TTPA: variants seen among roughly 807,000 people sequenced by gnomAD.
TTPA encodes alpha-tocopherol transfer protein.
A neutral mutation model predicts 25.9 loss-of-function variants in TTPA; 23 were observed. The ratio of observed to expected loss-of-function variants is 0.89; its 90% CI spans 0.64 to 1.26. The LOEUF is 1.26. TTPA is among the 50% of genes most tolerant of loss of function. The pLI is 0.00. For synonymous variants in TTPA, 148 were observed against 137.3 expected (o/e 1.08, Z -0.54); for missense variants, 337 against 353.1 (o/e 0.95, Z 0.37).
chr8:63,060,005 TG>T lies in TTPA; in HGVS notation c.*1246del, dbSNP rs1397585269. Reference sequence around the variant, plus strand: ...GCTGCCACACCCAGTCTTTACCAGATGTTTTTTTAAGTTAATATAAATTGCA... The same window carrying T: ...GCTGCCACACCCAGTCTTTACCAGATTTTTTTTAAGTTAATATAAATTGCA... On this transcript the variant is annotated 3_prime_UTR_variant, in exon 5 of 5. Coordinates refer to ENST00000260116, the MANE Select transcript of TTPA (RefSeq NM_000370.3). 1 of 152,204 alleles carries T rather than the reference TG, an allele frequency of 6.6e-6. No individual in the cohort carries two copies. The highest frequency in any genetic ancestry group is 1.5e-5 in the Non-Finnish European group (1 of 68,036). The allele number at this position is 152,204 out of a possible 1,614,324, so 9.4% of individuals were successfully genotyped here. A position where few individuals can be genotyped will look rare whatever the true frequency, so the allele number is the denominator to read the frequency against.
In TTPA at chr8:63,061,444, T is replaced by C. The variant is rs370191429; in HGVS notation, c.664-19A>G. Reference sequence around the variant, plus strand: ...TGTGAATCTGAAATAGCCAAAACACTTTAGAAGGAAACCGCATTAGATGCA... The same window carrying C: ...TGTGAATCTGAAATAGCCAAAACACCTTAGAAGGAAACCGCATTAGATGCA... On this transcript the variant is annotated intron_variant, in intron 4 of 4. Transcript: ENST00000260116. 2.5e-6 allele frequency: 4 copies of C among 1,613,038 alleles called. No homozygotes were observed. In the East Asian group the frequency reaches 6.7e-5, roughly 27 times the overall value.
At chr8:63,068,399 T>C (rs945748963) in intron 2 of TTPA, among the ~76,000 whole-genome samples, 2 of 151,986 alleles carry the variant, frequency 1.3e-5, no homozygotes, top group Non-Finnish European at 2.9e-5. Context: ...GGGAAGAGGA[T>C]TTTTCAAGAA....
intron 1 of TTPA, 119 bp downstream of exon 1, chr8:63,085,699 C>T: frequency 7.8e-7 from 1 of 1,285,610 alleles, no homozygotes; most frequent in Non-Finnish European, 1.0e-6. Context: ...GGGCGCGTTA[C>T]CCGCCAGGGT....
intron 1 of TTPA, among the ~76,000 whole-genome samples, chr8:63,082,501 T>A (rs1805679553): frequency 1.3e-5 from 2 of 152,152 alleles, no homozygotes; most frequent in Non-Finnish European, 2.9e-5. Context: ...TCAAGATGGA[T>A]TAAAGACTTA....
intron 1 of TTPA, among the ~76,000 whole-genome samples, chr8:63,073,365 A>G (rs1805513223): frequency 6.6e-6 from 1 of 152,104 alleles, no homozygotes; most frequent in South Asian, 2.1e-4. Context: ...CCTGATACCC[A>G]TGCACCATTC....
chr8:63,077,231 C>T (rs1238352082), intron 1 of TTPA, among the ~76,000 whole-genome samples: 1 of 152,184 alleles, frequency 6.6e-6, no homozygotes, highest in Non-Finnish European at 1.5e-5. Flanking sequence ...GTCTGCAACT[C>T]CCAGTGTGAT....
chr8:63,062,896 C>G (rs946312708), intron 4 of TTPA, among the ~76,000 whole-genome samples: 1 of 152,012 alleles, frequency 6.6e-6, no homozygotes, highest in Non-Finnish European at 1.5e-5. Flanking sequence ...AAAAAATGAA[C>G]AAACAAAATT....
intron 1 of TTPA, among the ~76,000 whole-genome samples, chr8:63,080,139 C>T (rs1482290244): frequency 3.3e-5 from 5 of 152,140 alleles, no homozygotes; most frequent in Non-Finnish European, 5.9e-5. Context: ...AAAGACACAA[C>T]ATACCAGAAT....
In TTPA at chr8:63,075,717, A is replaced by AAAAAAAAAAG. The variant is rs1563364091; in HGVS notation, c.205-2630_205-2629insCTTTTTTTTT. ...CCGTCTCAAAAAAAAAAAAAAAAAA[A>AAAAAAAAAAG]AAAAGTAAAGTAAAGCTATGAGAAA... On this transcript the variant is annotated intron_variant, in intron 1 of 4. Transcript: ENST00000260116. 4.8e-5 allele frequency among the ~76,000 whole-genome samples: 7 copies of AAAAAAAAAAG among 147,068 alleles called. 1 individual carries two copies. The highest frequency in any genetic ancestry group is 7.5e-5 in the Non-Finnish European group (5 of 66,882).
rs1311889480 is a variant in TTPA, at chr8:63,086,031, C to A, written c.-10G>T. 2.8e-6 allele frequency: 4 copies of A among 1,409,482 alleles called. No individual in the cohort carries two copies. Among genetic ancestry groups the A allele is most frequent in the Admixed American group, 2.7e-5 (1 of 36,948 alleles). The allele number at this position is 1,409,482 out of a possible 1,614,324, so 87.3% of individuals were successfully genotyped here. A position where few individuals can be genotyped will look rare whatever the true frequency, so the allele number is the denominator to read the frequency against. ...ATCGCGCCTCTGCCATGCCCGCCGC[C>A]GCTGCTGCGGCCGCAGCTACCCGGG... On this transcript the variant is annotated 5_prime_UTR_variant, in exon 1 of 5. Coordinates refer to ENST00000260116, the MANE Select transcript of TTPA (RefSeq NM_000370.3).
chr8:63,073,096 ATAAAAT>A lies in TTPA; in HGVS notation c.205-14_205-9del. The A allele has an allele frequency of 1.2e-6, 2 of 1,601,482 alleles. No homozygotes were observed. The highest frequency in any genetic ancestry group is 1.1e-5 in the South Asian group (1 of 90,580). ...ATAATAGTTTTTTAGTAACTGAAAA[ATAAAAT>A]TAAAATTGTCTACAAATGGCATACA... On this transcript the variant is annotated splice_polypyrimidine_tract_variant and intron_variant, in intron 1 of 4. Transcript: ENST00000260116.
intron 2 of TTPA, among the ~76,000 whole-genome samples, chr8:63,068,407 G>T (rs1805430423): frequency 6.6e-6 from 1 of 152,180 alleles, no homozygotes; most frequent in South Asian, 2.1e-4. Flanking sequence ...GATTTTTCAA[G>T]AAAGCAGAAG....
chr8:63,079,795 G>GAA (rs1805632021), intron 1 of TTPA, among the ~76,000 whole-genome samples: 2 of 152,230 alleles, frequency 1.3e-5, no homozygotes, highest in African/African-American at 4.8e-5. Flanking sequence ...TCCAGGACTT[G>GAA]AACTCAGCTC....
At position 63,061,148 on chromosome 8, in the gene TTPA, A is replaced by G; in HGVS notation, c.*104T>C. The G allele has an allele frequency of 1.7e-6, 2 of 1,195,556 alleles. No individual in the cohort carries two copies. The highest frequency in any genetic ancestry group is 2.4e-6 in the Non-Finnish European group (2 of 826,922). 74.1% of individuals were successfully genotyped at this position (1,195,556 alleles called of 1,614,324 possible). A position where few individuals can be genotyped will look rare whatever the true frequency, so the allele number is the denominator to read the frequency against. On this transcript the variant is annotated 3_prime_UTR_variant, in exon 5 of 5. Transcript: ENST00000260116. ...ATTTCTACATTTTTAAAGTTCAGGC[A>G]AGCATTAGTTTAAAAGATTTGCTCC... is the stretch of plus-strand genomic sequence containing the variant.
At position 63,074,181 on chromosome 8, in the gene TTPA, A is replaced by G. The variant is rs1585691946; in HGVS notation, c.205-1093T>C. Among the ~76,000 whole-genome samples, 3 of 152,348 alleles carry G rather than the reference A, an allele frequency of 2.0e-5. No homozygotes were observed. In the South Asian group the frequency reaches 6.2e-4, roughly 32 times the overall value. On this transcript the variant is annotated intron_variant, in intron 1 of 4. Coordinates refer to ENST00000260116, the MANE Select transcript of TTPA (RefSeq NM_000370.3). Reference sequence around the variant, plus strand: ...CAAGGTAACTATAACCACAAAAATCACAATGATCTGGAGGAGAAACTACAA... The same window carrying G: ...CAAGGTAACTATAACCACAAAAATCGCAATGATCTGGAGGAGAAACTACAA...
At position 63,065,969 on chromosome 8, in the gene TTPA, A is replaced by C. The variant is rs1805382765; in HGVS notation, c.487T>G (p.Trp163Gly). ...GIKAIFDLEG[W>G]QFSHAFQITP... ...ATTTGAAAAGCATGAGAAAACTGCC[A>C]ACCTTCCAGATCAAAGATAGCCTTG... Residue 163 changes from tryptophan (W) to glycine (G), a missense_variant, in exon 3 of 5, where the codon TGG (tryptophan) becomes GGG (glycine). By Grantham distance (184) the Trp-to-Gly change is radical. Coordinates refer to ENST00000260116, the MANE Select transcript of TTPA (RefSeq NM_000370.3). 5.6e-6 allele frequency: 9 copies of C among 1,613,968 alleles called. No homozygotes were observed. The highest frequency in any genetic ancestry group is 7.6e-6 in the Non-Finnish European group (9 of 1,179,860).
chr8:63,065,384 T>G (rs562048028), intron 3 of TTPA, among the ~76,000 whole-genome samples: 1 of 152,200 alleles, frequency 6.6e-6, no homozygotes, highest in African/African-American at 2.4e-5. Flanking sequence ...ATAATGCATT[T>G]GAAACACTTA....
chr8:63,079,602 G>C (rs1157926720), intron 1 of TTPA, among the ~76,000 whole-genome samples: 1 of 152,114 alleles, frequency 6.6e-6, no homozygotes. Flanking sequence ...ATGGTAAAGG[G>C]ATCAATTCAA....
At position 63,085,928 on chromosome 8, in the gene TTPA, G is replaced by A. The variant is rs926300177; in HGVS notation, c.94C>T (p.Arg32Trp). The A allele has an allele frequency of 3.3e-6, 5 of 1,520,372 alleles. No homozygotes were observed. The South Asian group carries it at 4.9e-5, about 15-fold the overall frequency. 94.2% of individuals were successfully genotyped at this position (1,520,372 alleles called of 1,614,324 possible). The change falls in exon 1 of 5, where the codon CGG (arginine) becomes TGG (tryptophan). Residue 32 changes from arginine to tryptophan, a missense_variant. Physicochemically the swap from Arg to Trp is moderately radical, Grantham distance 101. Coordinates refer to ENST00000260116, the MANE Select transcript of TTPA (RefSeq NM_000370.3). ...ACGCCAGCTTCCCGGGCCCGGCGCCGCAGCGCCGCCAGGCCCGGCTGCAGC... is the reference window on the plus strand; with the variant it reads ...ACGCCAGCTTCCCGGGCCCGGCGCCACAGCGCCGCCAGGCCCGGCTGCAGC... ...PLLQPGLAALRRRAREAGVPL... is the reference protein window; with the variant it reads ...PLLQPGLAALWRRAREAGVPL...
Sources: allele counts gnomAD v4.1 joint callset (sites outside exome capture counted in the v4.1 genomes callset), GRCh38; gene constraint gnomAD v4.1.1; transcripts MANE v1.5; gene names NCBI Gene and HGNC (gene_info 2026-07-23, HGNC 2026-07-21).